Variants in DNAH6 observed in about 807,000 individuals in gnomAD.
DNAH6 encodes the protein dynein axonemal heavy chain 6.
DNAH6 carries 340 observed loss-of-function variants against 491.4 expected under a neutral mutation model. The observed-to-expected ratio is 0.69, with a 90% confidence interval of 0.63 to 0.76. The LOEUF is 0.76. Among genes scored for constraint, DNAH6 ranks in the 30% least tolerant of loss-of-function variants. The pLI is 0.00. For missense variants in DNAH6, 4,443 were observed against 4,972.2 expected (o/e 0.89, Z 3.20); for synonymous variants, 1,603 against 1,686.1 (o/e 0.95, Z 1.21).
chr2:84,482,953 G>GT, the DNAH6 span, among the ~76,000 whole-genome samples: 3,218 of 143,890 alleles, frequency 0.022, 40 homozygotes, highest in African/African-American at 0.044. Flanking sequence ...TTATGTTACG[G>GT]TTTTTTTTTT....
chr2:84,712,476 G>T (rs1697136855), intron 56 of DNAH6, among the ~76,000 whole-genome samples: 1 of 152,142 alleles, frequency 6.6e-6, no homozygotes, highest in Non-Finnish European at 1.5e-5. Flanking sequence ...TTGCTTTGAG[G>T]AAAAAGGCAT....
At chr2:84,603,696 G>T (rs1382495338) in intron 18 of DNAH6, among the ~76,000 whole-genome samples, 1 of 151,998 alleles carries the variant, frequency 6.6e-6, no homozygotes, top group Non-Finnish European at 1.5e-5. Flanking sequence ...AGGGTAAATT[G>T]TTTTTTTCCA....
rs1269710273 is a variant in DNAH6 at position 84,669,438 on chromosome 2, T to C, written c.6234T>C (p.Tyr2078=). 2 of 1,551,912 alleles carry C rather than the reference T, an allele frequency of 1.3e-6. No homozygotes were observed. Among genetic ancestry groups the C allele is most frequent in the Non-Finnish European group, 8.7e-7 (1 of 1,147,048 alleles). The change falls in exon 38 of 77, where the codon TAT becomes TAC. Residue 2078 remains tyrosine (Y), a synonymous_variant. Coordinates refer to ENST00000389394, the MANE Select transcript of DNAH6 (RefSeq NM_001370.2). ...TCCCCACAACTGACACAGTGCGCTA[T>C]GGGTATCTAATGGAAAAACTACTGG... The part of the protein sequence containing the change: ...MLVPTTDTVR[Y]GYLMEKLLAV...
chr2:84,745,516 A>T (rs2105045996), intron 63 of DNAH6, among the ~76,000 whole-genome samples: 1 of 152,228 alleles, frequency 6.6e-6, no homozygotes, highest in Admixed American at 6.5e-5. Flanking sequence ...ATACAAAATA[A>T]TTATCCGGGC....
intron 37 of DNAH6, among the ~76,000 whole-genome samples, chr2:84,668,844 GTGTGTGTGTGTGTA>G (rs1356782623): frequency 0.027 from 2,172 of 81,848 alleles, 38 homozygotes; most frequent in South Asian, 0.048. Context: ...GTGTGTGTGT[GTGTGTGTGTGTGTA>G]TGATTGTAAT....
intron 30 of DNAH6, 98 bp from the exon 31 acceptor site, chr2:84,637,112 A>G: frequency 9.7e-7 from 1 of 1,034,520 alleles, no homozygotes; most frequent in Non-Finnish European, 1.4e-6. Flanking sequence ...TCTTTGCTTT[A>G]GTGCTTCATT....
At chr2:84,810,934 C>G (rs1190222552) in intron 72 of DNAH6, among the ~76,000 whole-genome samples, 1 of 152,196 alleles carries the variant, frequency 6.6e-6, no homozygotes, top group African/African-American at 2.4e-5. Flanking sequence ...TCTCAGCAGT[C>G]TGCTCCCTCC....
chr2:84,621,298 C>T lies in DNAH6; in HGVS notation c.3900C>T (p.Ile1300=), dbSNP rs983977869. ...TSLRRLCKAA[I]ADYQGKLRTD... Reference sequence around the variant, plus strand: ...TGCGTCGCCTGTGCAAAGCTGCCATCGCTGACTATCAGGGGAAACTGAGGA... The same window carrying T: ...TGCGTCGCCTGTGCAAAGCTGCCATTGCTGACTATCAGGGGAAACTGAGGA... Residue 1300 remains isoleucine (I), a synonymous_variant, in exon 25 of 77, where the codon ATC becomes ATT. Coordinates refer to ENST00000389394, the MANE Select transcript of DNAH6 (RefSeq NM_001370.2). 18 of 1,551,472 alleles carry T rather than the reference C, an allele frequency of 1.2e-5. No individual in the cohort carries two copies. Among genetic ancestry groups the T allele is most frequent in the African/African-American group, 8.2e-5 (6 of 73,040 alleles).
intron 62 of DNAH6, among the ~76,000 whole-genome samples, chr2:84,734,190 C>T (rs1409348320): frequency 6.7e-6 from 1 of 149,192 alleles, no homozygotes; most frequent in African/African-American, 2.5e-5. Flanking sequence ...TTCTGTCGCC[C>T]AGGCTGGAGT....
At chr2:84,817,395 A>G (rs1480776103) in intron 76 of DNAH6, among the ~76,000 whole-genome samples, 1 of 152,188 alleles carries the variant, frequency 6.6e-6, no homozygotes, top group Non-Finnish European at 1.5e-5. Context: ...ACCATCTTTC[A>G]AAAGGGAAGT....
chr2:84,684,951 G>A (rs568742230), intron 42 of DNAH6, among the ~76,000 whole-genome samples: 4 of 152,278 alleles, frequency 2.6e-5, no homozygotes, highest in Admixed American at 2.6e-4. Context: ...GCATTGAGAG[G>A]AGGAAAGTTG....
intron 26 of DNAH6, among the ~76,000 whole-genome samples, chr2:84,623,506 A>T (rs1050452044): frequency 1.3e-5 from 2 of 152,156 alleles, no homozygotes; most frequent in African/African-American, 4.8e-5. Flanking sequence ...TTATATGTAA[A>T]TTTTCAATAT....
At chr2:84,634,273 G>C (rs1688663611) in intron 29 of DNAH6, among the ~76,000 whole-genome samples, 1 of 152,156 alleles carries the variant, frequency 6.6e-6, no homozygotes, top group Admixed American at 6.5e-5. Context: ...AAATTGGTCA[G>C]ATTGTCATTT....
chr2:84,721,571 T>A (rs1698164169), intron 59 of DNAH6, among the ~76,000 whole-genome samples: 1 of 152,366 alleles, frequency 6.6e-6, no homozygotes, highest in East Asian at 1.9e-4. Context: ...CACAACAGAT[T>A]TCAAGGGCTA....
At chr2:84,505,495 C>T in the DNAH6 span, among the ~76,000 whole-genome samples, 5 of 151,910 alleles carry the variant, frequency 3.3e-5, no homozygotes, top group African/African-American at 1.2e-4. Context: ...TTTCATATGC[C>T]CTTCATCAGG....
intron 21 of DNAH6, among the ~76,000 whole-genome samples, chr2:84,609,663 T>C (rs1478914336): frequency 7.1e-6 from 1 of 141,430 alleles, no homozygotes; most frequent in Non-Finnish European, 1.6e-5. Flanking sequence ...CAGATCACCA[T>C]AACAGATATA....
At chr2:84,507,412 A>G in the DNAH6 span, among the ~76,000 whole-genome samples, 1 of 152,196 alleles carries the variant, frequency 6.6e-6, no homozygotes, top group African/African-American at 2.4e-5. Flanking sequence ...TTCCACATTG[A>G]TTTTGTAACC....
chr2:84,480,791 C>A, the DNAH6 span, among the ~76,000 whole-genome samples: 22 of 152,020 alleles, frequency 1.4e-4, no homozygotes, highest in Non-Finnish European at 2.4e-4. Flanking sequence ...GGAGAAACCC[C>A]GTCTCTACTG....
At position 84,750,166 on chromosome 2, in the gene DNAH6, T is replaced by C. The variant is rs551246817; in HGVS notation, c.10512+4917T>C. Among the ~76,000 whole-genome samples the C allele has an allele frequency of 7.9e-5, 12 of 151,440 alleles. 1 individual carries two copies. Among genetic ancestry groups the C allele is most frequent in the Non-Finnish European group, 1.5e-4 (10 of 67,882 alleles). On this transcript the variant is annotated intron_variant, in intron 63 of 76. Transcript: ENST00000389394. ...AGATGTAATTGTGGTACTGTGATTA[T>C]GGTTTTTTTGTTTGTTTGGTTTGGT... is the stretch of plus-strand genomic sequence containing the variant.
Sources: allele counts gnomAD v4.1 joint callset (sites outside exome capture counted in the v4.1 genomes callset), GRCh38; gene constraint gnomAD v4.1.1; transcripts MANE v1.5; gene names NCBI Gene and HGNC (gene_info 2026-07-23, HGNC 2026-07-21).